Variants in SSX2IP observed in about 807,000 individuals in gnomAD.
The protein encoded by SSX2IP is SSX family member 2 interacting protein.
In SSX2IP, 55 loss-of-function variants were observed where a neutral mutation model predicts 84.9. That is an observed-to-expected ratio of 0.65 (90% CI 0.52 to 0.81). The LOEUF is 0.81. Among genes scored for constraint, SSX2IP ranks in the 30% least tolerant of loss-of-function variants. The pLI, the probability that SSX2IP is intolerant of heterozygous loss-of-function variation, is 0.00. For missense variants in SSX2IP, 664 were observed against 705.2 expected (o/e 0.94, Z 0.66); for synonymous variants, 239 against 234.7 (o/e 1.02, Z -0.17).
At chr1:84,676,321 T>C (rs1433710460) in intron 1 of SSX2IP, among the ~76,000 whole-genome samples, 1 of 152,214 alleles carries the variant, frequency 6.6e-6, no homozygotes, top group Non-Finnish European at 1.5e-5. Context: ...ACTTCCTTGT[T>C]CAAAGTACTT....
intron 12 of SSX2IP, among the ~76,000 whole-genome samples, chr1:84,650,894 AC>A (rs1288608370): frequency 1.3e-5 from 2 of 152,036 alleles, no homozygotes; most frequent in Non-Finnish European, 2.9e-5. Flanking sequence ...TTTAGTACAG[AC>A]GGGGTTTCAC....
intron 1 of SSX2IP, among the ~76,000 whole-genome samples, chr1:84,686,974 G>C (rs1450436990): frequency 1.3e-5 from 2 of 151,850 alleles, no homozygotes; most frequent in Non-Finnish European, 2.9e-5. Flanking sequence ...CTCATGGATA[G>C]ATCTAGCATG....
chr1:84,646,291 A>C lies in SSX2IP; in HGVS notation c.*1142T>G, dbSNP rs549239488. 6 of 152,606 alleles carry C rather than the reference A, an allele frequency of 3.9e-5. No homozygotes were observed. The highest frequency in any genetic ancestry group is 8.8e-5 in the Non-Finnish European group (6 of 68,030). 9.5% of individuals were successfully genotyped at this position (152,606 alleles called of 1,614,324 possible). The stretch of plus-strand genomic sequence containing the variant: ...AAACAACAACATACTTTTCATGAAG[A>C]AACATGCAATCAGAAACATTACAGA... On this transcript the variant is annotated 3_prime_UTR_variant, in exon 14 of 14. Transcript: ENST00000342203.
chr1:84,689,966 G>T (rs554162377), intron 1 of SSX2IP, among the ~76,000 whole-genome samples: 1 of 152,084 alleles, frequency 6.6e-6, no homozygotes, highest in East Asian at 1.9e-4. Flanking sequence ...CCCCACGGCC[G>T]CTGCTGAGAC....
intron 6 of SSX2IP, 125 bp downstream of exon 6, chr1:84,664,292 A>C: frequency 9.7e-7 from 1 of 1,033,440 alleles, no homozygotes; most frequent in Non-Finnish European, 1.3e-6. Flanking sequence ...AACACCACTG[A>C]AAATCAATTG....
chr1:84,678,640 G>A (rs950487272), intron 1 of SSX2IP, among the ~76,000 whole-genome samples: 1 of 152,126 alleles, frequency 6.6e-6, no homozygotes, highest in Non-Finnish European at 1.5e-5. Context: ...AGGTAGAGGT[G>A]GAGAAAGGAA....
intron 11 of SSX2IP, among the ~76,000 whole-genome samples, chr1:84,653,626 T>C (rs749505792): frequency 6.6e-6 from 1 of 152,232 alleles, no homozygotes; most frequent in Non-Finnish European, 1.5e-5. Flanking sequence ...GCTGGTCAAG[T>C]GTTGTTCCCT....
At chr1:84,666,073 A>G (rs1652738841) in intron 5 of SSX2IP, 49 bp downstream of exon 5, 1 of 1,450,872 alleles carries the variant, frequency 6.9e-7, no homozygotes, top group African/African-American at 1.4e-5. Flanking sequence ...CATATTACAA[A>G]GAAAACAAAA....
intron 11 of SSX2IP, among the ~76,000 whole-genome samples, chr1:84,655,115 C>T (rs7415041): frequency 1.3e-5 from 2 of 152,110 alleles, no homozygotes; most frequent in African/African-American, 2.4e-5. Context: ...CACAGAATTC[C>T]TTATCTTTCA....
At chr1:84,687,205 A>G (rs1195741899) in intron 1 of SSX2IP, among the ~76,000 whole-genome samples, 1 of 152,238 alleles carries the variant, frequency 6.6e-6, no homozygotes, top group African/African-American at 2.4e-5. Context: ...GTAGTGTGGT[A>G]GATCAAACCG....
In SSX2IP at chr1:84,689,803, C is replaced by T. The variant is rs554747403; in HGVS notation, c.-90+568G>A. 1.4e-4 allele frequency among the ~76,000 whole-genome samples: 22 copies of T among 152,356 alleles called. No homozygotes were observed. The South Asian group carries it at 4.3e-3, about 30-fold the overall frequency. ...ATAAAATTATAAACCAAAGTATTTT[C>T]ACACATGCCTGCCTCTTGGATGATG... On this transcript the variant is annotated intron_variant, in intron 1 of 13. Transcript: ENST00000342203.
chr1:84,656,159 C>T lies in SSX2IP; in HGVS notation c.1216-154G>A, dbSNP rs1651076700. On this transcript the variant is annotated intron_variant, in intron 10 of 13. Coordinates refer to ENST00000342203, the MANE Select transcript of SSX2IP (RefSeq NM_001166293.2). ...AATGAGAATTCTCATTTCCCGAAACCTACTACCCCAACTAGCAAAGTATGG... is the reference window on the plus strand; with the variant it reads ...AATGAGAATTCTCATTTCCCGAAACTTACTACCCCAACTAGCAAAGTATGG... 9 of 944,182 alleles carry T rather than the reference C, an allele frequency of 9.5e-6. No individual in the cohort carries two copies. In the South Asian group the frequency reaches 1.6e-4, roughly 17 times the overall value. The allele number at this position is 944,182 out of a possible 1,614,324, so 58.5% of individuals were successfully genotyped here.
At chr1:84,679,013 A>AATAG (rs1654732201) in intron 1 of SSX2IP, among the ~76,000 whole-genome samples, 1 of 152,238 alleles carries the variant, frequency 6.6e-6, no homozygotes, top group Non-Finnish European at 1.5e-5. Context: ...GAGCTAACTG[A>AATAG]AGTCTTTGCT....
At chr1:84,671,055 T>G (rs1485336298) in intron 2 of SSX2IP, 122 bp downstream of exon 2, 16 of 1,223,810 alleles carry the variant, frequency 1.3e-5, no homozygotes, top group Non-Finnish European at 1.6e-5. Flanking sequence ...AATAAGTATT[T>G]TACAACGATT....
chr1:84,647,441 A>G lies in SSX2IP; in HGVS notation c.1837T>C (p.Leu613=). Residue 613 remains leucine (L), a synonymous_variant, in exon 14 of 14, where the codon TTA becomes CTA. Transcript: ENST00000342203. ...AATTCCAGTCCACATGTCTAAGGTA[A>G]GTCATCTTTTTCTACATGAGAATTT... is the stretch of plus-strand genomic sequence containing the variant. ...YTNSHVEKDD[L]P 6.3e-7 allele frequency: 1 copy of G among 1,590,074 alleles called. No homozygotes were observed. Among genetic ancestry groups the G allele is most frequent in the Non-Finnish European group, 8.6e-7 (1 of 1,167,760 alleles).
At chr1:84,656,162 C>T (rs758613130) in intron 10 of SSX2IP, 157 bp from the exon 11 acceptor site, 47 of 926,516 alleles carry the variant, frequency 5.1e-5, no homozygotes, top group Admixed American at 1.4e-4. Flanking sequence ...CCGAAACCTA[C>T]TACCCCAACT....
At chr1:84,674,890 C>T (rs1392590205) in intron 1 of SSX2IP, among the ~76,000 whole-genome samples, 2 of 152,126 alleles carry the variant, frequency 1.3e-5, no homozygotes, top group South Asian at 2.1e-4. Context: ...AAAAGTTACC[C>T]GACCAGTTTT....
intron 1 of SSX2IP, among the ~76,000 whole-genome samples, chr1:84,671,666 T>A (rs1653600038): frequency 6.6e-6 from 1 of 152,124 alleles, no homozygotes; most frequent in Admixed American, 6.6e-5. Context: ...GATGAAAAAC[T>A]TCTTCTTGGC....
intron 5 of SSX2IP, among the ~76,000 whole-genome samples, chr1:84,665,487 T>C (rs1652648226): frequency 6.6e-6 from 1 of 152,190 alleles, no homozygotes; most frequent in East Asian, 1.9e-4. Context: ...TATTACATGG[T>C]CAGGGGTCAT....
Sources: gnomAD v4.1 joint callset for allele counts (sites outside exome capture counted in the v4.1 genomes callset) on GRCh38, gnomAD v4.1.1 for gene constraint, MANE v1.5 for transcripts, NCBI Gene and HGNC (gene_info 2026-07-23, HGNC 2026-07-21) for gene names.